The following PSD3 variants were observed in gnomAD, a reference collection of about 807,000 sequenced individuals.
The protein encoded by PSD3 is pleckstrin and Sec7 domain containing 3.
Under a neutral mutation model 105.5 loss-of-function variants are expected in PSD3, and 49 were observed. The ratio of observed to expected loss-of-function variants is 0.46; its 90% confidence interval spans 0.37 to 0.59. The LOEUF (loss-of-function observed/expected upper bound fraction) is 0.59, where lower values mean the gene tolerates loss of function less well. Among genes scored for constraint, PSD3 ranks in the 20% least tolerant of loss-of-function variants. The probability of loss-of-function intolerance (pLI) is 0.00; values close to 1 mark genes in which losing one functional copy is unlikely to be tolerated. For missense variants in PSD3, 1,561 were observed against 1,263.8 expected (o/e 1.24, Z -3.57); for synonymous variants, 557 against 457.8 (o/e 1.22, Z -2.77).
At chr8:18,623,085 A>C (rs1806232306) in intron 11 of PSD3, among the ~76,000 whole-genome samples, 2 of 152,094 alleles carry the variant, frequency 1.3e-5, no homozygotes, top group Admixed American at 1.3e-4. Flanking sequence ...AGCTATAACC[A>C]TATGGTCCAG....
chr8:18,899,551 T>TA (rs577373409), intron 2 of PSD3, among the ~76,000 whole-genome samples: 4 of 152,084 alleles, frequency 2.6e-5, no homozygotes, highest in Non-Finnish European at 4.4e-5. Flanking sequence ...TAATGGTCCT[T>TA]ATGACCCCCT....
intron 9 of PSD3, among the ~76,000 whole-genome samples, chr8:18,755,752 G>A (rs1237395382): frequency 6.9e-6 from 1 of 145,148 alleles, no homozygotes. Flanking sequence ...CTTCTTTTTG[G>A]TAATTTTTTT....
intron 1 of PSD3, among the ~76,000 whole-genome samples, chr8:19,070,595 T>G (rs1348071092): frequency 6.6e-6 from 1 of 152,098 alleles, no homozygotes; most frequent in Non-Finnish European, 1.5e-5. Context: ...GGAGAATCGC[T>G]TAAATCTGGG....
intron 8 of PSD3, among the ~76,000 whole-genome samples, chr8:18,775,416 T>A (rs1807959132): frequency 6.6e-6 from 1 of 152,152 alleles, no homozygotes; most frequent in South Asian, 2.1e-4. Context: ...GTTCTATAGT[T>A]TTTCAATGAG....
Position 18,535,939 on chromosome 8 carries a change from T to G in PSD3, c.2948A>C (p.Tyr983Ser). Residue 983 changes from tyrosine (Y) to serine (S), a missense_variant, in exon 16 of 16, where the codon TAT (tyrosine) becomes TCT (serine). Transcript: ENST00000327040. ...LEFEKTRYEM[Y>S]VSILKEGGKE... The stretch of plus-strand genomic sequence containing the variant: ...GCCTCCTTCCTTGAGAATGCTGACA[T>G]ACATTTCATAGCGGGTTTTCTGAAG... The G allele has an allele frequency of 6.2e-7, 1 of 1,614,118 alleles. No individual in the cohort carries two copies. Among genetic ancestry groups the G allele is most frequent in the Non-Finnish European group, 8.5e-7 (1 of 1,180,014 alleles).
chr8:18,866,052 T>C (rs1207081808), intron 4 of PSD3, among the ~76,000 whole-genome samples: 1 of 152,192 alleles, frequency 6.6e-6, no homozygotes, highest in African/African-American at 2.4e-5. Context: ...GTGAAGCCTC[T>C]TAGCCCAAAA....
chr8:18,918,847 T>C (rs1052600323), intron 2 of PSD3, among the ~76,000 whole-genome samples: 6 of 152,080 alleles, frequency 3.9e-5, no homozygotes, highest in African/African-American at 1.4e-4. Flanking sequence ...ACCGTGCCCC[T>C]TTCCCTGGTT....
At chr8:19,022,722 C>T (rs947653340) in intron 1 of PSD3, among the ~76,000 whole-genome samples, 12 of 152,170 alleles carry the variant, frequency 7.9e-5, no homozygotes, top group Admixed American at 7.9e-4. Context: ...AGAGTAGCAC[C>T]CAGCTCTCTT....
At chr8:18,683,831 G>T in intron 9 of PSD3, 1 of 765,320 alleles carries the variant, frequency 1.3e-6, no homozygotes, top group African/African-American at 1.7e-5. Context: ...ACTTTGACCT[G>T]TGAGACTGCC....
intron 2 of PSD3, among the ~76,000 whole-genome samples, chr8:18,905,304 C>G (rs1467732703): frequency 6.6e-6 from 1 of 152,180 alleles, no homozygotes; most frequent in Non-Finnish European, 1.5e-5. Context: ...GCCTCACCAA[C>G]TCTCAGTGAC....
chr8:18,948,088 A>G (rs1330652859), intron 1 of PSD3, among the ~76,000 whole-genome samples: 2 of 152,178 alleles, frequency 1.3e-5, no homozygotes, highest in Non-Finnish European at 2.9e-5. Context: ...ACAGACTGAG[A>G]AGACGGGCGG....
At chr8:19,009,535 A>G (rs1434582464) in intron 1 of PSD3, among the ~76,000 whole-genome samples, 1 of 150,290 alleles carries the variant, frequency 6.7e-6, no homozygotes, top group Non-Finnish European at 1.5e-5. Flanking sequence ...AATAAACATT[A>G]GCTGTGATTG....
At chr8:18,622,369 A>T (rs1415479122) in intron 11 of PSD3, among the ~76,000 whole-genome samples, 1 of 152,200 alleles carries the variant, frequency 6.6e-6, no homozygotes, top group Non-Finnish European at 1.5e-5. Flanking sequence ...AAGTGACATT[A>T]TATCCCTAAA....
Position 18,696,828 on chromosome 8 carries a change from A to G in PSD3, c.2173-41143T>C, listed in dbSNP as rs367933396. ...GAATGGTACTGTCCAATAGAAGTCT[A>G]TAAAAGCCACATAATAACTTAAAAT... On this transcript the variant is annotated intron_variant, in intron 9 of 15. Transcript: ENST00000327040. 1.4e-3 allele frequency among the ~76,000 whole-genome samples: 216 copies of G among 152,362 alleles called. 6 individuals carry two copies. In the South Asian group the frequency reaches 0.042, roughly 29 times the overall value.
intron 1 of PSD3, among the ~76,000 whole-genome samples, chr8:18,972,349 T>A (rs1824701999): frequency 6.6e-6 from 1 of 151,924 alleles, no homozygotes; most frequent in African/African-American, 2.4e-5. Context: ...GAGCAGGGAG[T>A]CTGTAAGAGA....
intron 8 of PSD3, among the ~76,000 whole-genome samples, chr8:18,780,797 G>A (rs1401880830): frequency 7.9e-5 from 12 of 152,014 alleles, no homozygotes; most frequent in African/African-American, 2.2e-4. Flanking sequence ...CTCATGATCC[G>A]CCTGCCTTGG....
chr8:18,585,304 A>T (rs1803096745), intron 12 of PSD3, among the ~76,000 whole-genome samples: 1 of 152,156 alleles, frequency 6.6e-6, no homozygotes. Context: ...TAAGGTCTGA[A>T]TAAAGCCAGT....
chr8:18,966,568 T>C (rs952206765), intron 1 of PSD3, among the ~76,000 whole-genome samples: 1 of 135,942 alleles, frequency 7.4e-6, no homozygotes, highest in African/African-American at 2.7e-5. Context: ...GAGACTGTCT[T>C]AAAAAAAAAA....
At chr8:18,984,577 GAAC>G (rs1256925871) in intron 1 of PSD3, among the ~76,000 whole-genome samples, 2 of 152,118 alleles carry the variant, frequency 1.3e-5, no homozygotes, top group Admixed American at 6.6e-5. Context: ...GCATTTGAAG[GAAC>G]AACTTTCAGT....
Sources: gnomAD v4.1 joint callset for allele counts (sites outside exome capture counted in the v4.1 genomes callset) on GRCh38, gnomAD v4.1.1 for gene constraint, MANE v1.5 for transcripts, NCBI Gene and HGNC (gene_info 2026-07-23, HGNC 2026-07-21) for gene names.